Variants in LMO7 observed in about 807,000 individuals in gnomAD.
LMO7 encodes the protein LIM domain 7, also known as LIM domain only protein 7.
In LMO7, 120 loss-of-function variants were observed where a neutral mutation model predicts 206.5. That is an observed-to-expected ratio of 0.58 (90% CI 0.50 to 0.68). The LOEUF (loss-of-function observed/expected upper bound fraction) is 0.68, where lower values mean the gene tolerates loss of function less well. Ranked by LOEUF, LMO7 falls within the 30% of genes least tolerant of loss-of-function variation. LMO7 has a pLI of 0.00. For synonymous variants in LMO7, 706 were observed against 681.5 expected, an observed-to-expected ratio of 1.04 and a Z score of -0.56; for missense variants, 1,959 against 1,957.9, an observed-to-expected ratio of 1.00 and a Z score of -0.01.
intron 4 of LMO7, among the ~76,000 whole-genome samples, chr13:75,773,053 T>G (rs537169331): frequency 3.9e-5 from 6 of 152,072 alleles, no homozygotes; most frequent in African/African-American, 1.4e-4. Context: ...AAGTCTTGAG[T>G]GTGGATCTAA....
intron 1 of LMO7, among the ~76,000 whole-genome samples, chr13:75,707,496 C>G (rs1258087302): frequency 6.6e-6 from 1 of 151,936 alleles, no homozygotes; most frequent in Non-Finnish European, 1.5e-5. Context: ...GTAATTGTTG[C>G]TATTTATTCT....
At chr13:75,709,712 T>A (rs181010738) in intron 1 of LMO7, among the ~76,000 whole-genome samples, 630 of 152,326 alleles carry the variant, frequency 4.1e-3, no homozygotes, top group African/African-American at 0.014. Context: ...CTTTGTCAGA[T>A]GAGTAAGTTG....
chr13:75,709,265 C>A (rs2042893417), intron 1 of LMO7, among the ~76,000 whole-genome samples: 1 of 152,188 alleles, frequency 6.6e-6, no homozygotes, highest in Non-Finnish European at 1.5e-5. Flanking sequence ...CATACGTGTG[C>A]ATGTGTCTTT....
chr13:75,826,453 A>C (rs1199121344), intron 15 of LMO7, among the ~76,000 whole-genome samples: 1 of 152,178 alleles, frequency 6.6e-6, no homozygotes, highest in East Asian at 1.9e-4. Context: ...CATCAGATTA[A>C]CTTGCCTGAT....
intron 1 of LMO7, among the ~76,000 whole-genome samples, chr13:75,677,568 G>T (rs1228906020): frequency 6.6e-6 from 1 of 151,362 alleles, no homozygotes; most frequent in Non-Finnish European, 1.5e-5. Context: ...TCCTAAATTG[G>T]AAATGAGTGA....
At chr13:75,739,178 A>G (rs917172097) in intron 3 of LMO7, among the ~76,000 whole-genome samples, 9 of 152,236 alleles carry the variant, frequency 5.9e-5, no homozygotes, top group Non-Finnish European at 1.2e-4. Flanking sequence ...TGGCTGGCTG[A>G]CTGTAGATTT....
At chr13:75,631,979 T>C (rs1452516570), upstream of LMO7, 1 of 152,206 alleles carries the variant, frequency 6.6e-6, no homozygotes, top group Non-Finnish European at 1.5e-5. Context: ...CTTTTTATAT[T>C]TATTGCCCAG....
Position 75,698,528 on chromosome 13 carries a change from G to T in LMO7, c.70-14654G>T, listed in dbSNP as rs74463357. 4.1e-3 allele frequency among the ~76,000 whole-genome samples: 622 copies of T among 151,588 alleles called. 6 individuals carry two copies. The highest frequency in any genetic ancestry group is 0.014 in the African/African-American group (581 of 41,318). On this transcript the variant is annotated intron_variant, in intron 1 of 30. Transcript: ENST00000377534. Reference sequence around the variant, plus strand: ...TGATCTGGAACTCCTGGCTTCAAGTGATCCTTCTACTTGGCCTCCCAAAGT... The same window carrying T: ...TGATCTGGAACTCCTGGCTTCAAGTTATCCTTCTACTTGGCCTCCCAAAGT...
intron 1 of LMO7, among the ~76,000 whole-genome samples, chr13:75,656,625 G>A (rs369443017): frequency 3.3e-5 from 5 of 152,060 alleles, no homozygotes; most frequent in African/African-American, 1.2e-4. Context: ...TTTAGCTTGC[G>A]GTTAGTAGAC....
At chr13:75,621,545 C>G in exon 1 of LMO7, 1 of 412,648 alleles carries the variant, frequency 2.4e-6, no homozygotes, top group Non-Finnish European at 4.2e-6. Context: ...ATTTCAACAT[C>G]TAAAGTTATT....
chr13:75,799,655 T>C (rs914666220), intron 6 of LMO7, among the ~76,000 whole-genome samples: 4 of 152,232 alleles, frequency 2.6e-5, no homozygotes, highest in Non-Finnish European at 5.9e-5. Context: ...GTTTGATTGT[T>C]AGTAATTACT....
intron 1 of LMO7, among the ~76,000 whole-genome samples, chr13:75,691,024 G>A (rs1032235502): frequency 6.6e-6 from 1 of 152,022 alleles, no homozygotes; most frequent in Non-Finnish European, 1.5e-5. Context: ...ATATGTATAT[G>A]TATTCATACA....
intron 3 of LMO7, among the ~76,000 whole-genome samples, chr13:75,731,697 G>A (rs1278157084): frequency 1.5e-4 from 22 of 151,490 alleles, no homozygotes; most frequent in South Asian, 2.1e-4. Context: ...TATTTTGCTC[G>A]TTAGTTGATG....
At chr13:75,704,732 A>T (rs561802646) in intron 1 of LMO7, among the ~76,000 whole-genome samples, 1 of 152,230 alleles carries the variant, frequency 6.6e-6, no homozygotes, top group Non-Finnish European at 1.5e-5. Context: ...TTGGGATTTA[A>T]GTCATGTGGA....
At chr13:75,647,682 A>G (rs1481373819) in intron 1 of LMO7, among the ~76,000 whole-genome samples, 3 of 148,356 alleles carry the variant, frequency 2.0e-5, no homozygotes, top group African/African-American at 7.3e-5. Context: ...AAATAGCTTT[A>G]CCCTGTTTAG....
At chr13:75,667,433 A>G (rs2039172144) in intron 1 of LMO7, among the ~76,000 whole-genome samples, 1 of 152,024 alleles carries the variant, frequency 6.6e-6, no homozygotes, top group Non-Finnish European at 1.5e-5. Context: ...TAGGTCCCTA[A>G]GGTTCACTTT....
chr13:75,696,565 A>T (rs1594342354), intron 1 of LMO7, among the ~76,000 whole-genome samples: 1 of 152,146 alleles, frequency 6.6e-6, no homozygotes, highest in African/African-American at 2.4e-5. Flanking sequence ...TTCAGAGACC[A>T]TTCTTAGTAA....
At chr13:75,754,527 G>C (rs185335575) in intron 3 of LMO7, among the ~76,000 whole-genome samples, 10 of 152,164 alleles carry the variant, frequency 6.6e-5, no homozygotes, top group African/African-American at 2.4e-4. Flanking sequence ...TATACCTGGG[G>C]GAAGGCATCT....
intron 4 of LMO7, among the ~76,000 whole-genome samples, chr13:75,777,634 A>ATTTTC (rs1374183143): frequency 7.4e-6 from 1 of 135,680 alleles, no homozygotes; most frequent in African/African-American, 2.7e-5. Context: ...TTTACTTCTG[A>ATTTTC]TTTTCTTTTC....
Sources: gnomAD v4.1 joint callset for allele counts (sites outside exome capture counted in the v4.1 genomes callset) on GRCh38, gnomAD v4.1.1 for gene constraint, MANE v1.5 for transcripts, NCBI Gene and HGNC (gene_info 2026-07-23, HGNC 2026-07-21) for gene names.